Variants in TPP2 observed in about 807,000 individuals in gnomAD.
The protein encoded by TPP2 is tripeptidyl-peptidase 2.
In TPP2, 34 loss-of-function variants were observed where a neutral mutation model predicts 155.9. The ratio of observed to expected loss-of-function variants is 0.22; its 90% CI spans 0.17 to 0.29. The LOEUF (loss-of-function observed/expected upper bound fraction) is 0.29, where lower values mean the gene tolerates loss of function less well. Ranked by LOEUF, TPP2 falls within the 10% of genes least tolerant of loss-of-function variation. The pLI, the probability that TPP2 is intolerant of heterozygous loss-of-function variation, is 1.00. For missense variants in TPP2, 1,028 were observed against 1,522.3 expected (o/e 0.68, Z 5.40); for synonymous variants, 510 against 529.4 (o/e 0.96, Z 0.50).
chr13:102,609,839 G>C (rs1880142356), intron 2 of TPP2, among the ~76,000 whole-genome samples: 1 of 152,124 alleles, frequency 6.6e-6, no homozygotes, highest in Non-Finnish European at 1.5e-5. Flanking sequence ...ATGCGATTTG[G>C]GTAGAGACAG....
At chr13:102,630,568 C>T (rs965423775) in intron 10 of TPP2, among the ~76,000 whole-genome samples, 1 of 152,112 alleles carries the variant, frequency 6.6e-6, no homozygotes, top group Admixed American at 6.5e-5. Context: ...TTTTATAAAG[C>T]ATCACAGTCA....
intron 2 of TPP2, among the ~76,000 whole-genome samples, chr13:102,608,949 A>G (rs1015344529): frequency 3.3e-5 from 5 of 152,210 alleles, no homozygotes; most frequent in African/African-American, 1.2e-4. Flanking sequence ...GGGTTTCACT[A>G]TAGGGTAATG....
intron 28 of TPP2, 152 bp from the exon 29 acceptor site, chr13:102,676,144 T>C (rs584200): frequency 0.45 from 289,205 of 641,318 alleles, 67,518 homozygotes; most frequent in African/African-American, 0.59. Context: ...AAGACACCAA[T>C]TTTCTTTTTC....
chr13:102,670,020 T>C (rs949922175), intron 27 of TPP2, among the ~76,000 whole-genome samples: 2 of 152,166 alleles, frequency 1.3e-5, no homozygotes, highest in Non-Finnish European at 2.9e-5. Context: ...GAAAGGTCTC[T>C]AGGGCCAGTA....
intron 17 of TPP2, among the ~76,000 whole-genome samples, chr13:102,643,589 T>G (rs1882909531): frequency 6.6e-6 from 1 of 152,210 alleles, no homozygotes; most frequent in African/African-American, 2.4e-5. Context: ...AATTCTTGAA[T>G]AGCATAGTCA....
intron 23 of TPP2, 23 bp downstream of exon 23, chr13:102,649,509 C>T (rs1445883609): frequency 6.4e-7 from 1 of 1,562,286 alleles, no homozygotes; most frequent in African/African-American, 1.4e-5. Flanking sequence ...TTTTTAAACA[C>T]TGAAATTACC....
At chr13:102,614,345 TAA>T (rs914717930) in intron 3 of TPP2, 149 bp downstream of exon 3, 1 of 614,418 alleles carries the variant, frequency 1.6e-6, no homozygotes, top group Non-Finnish European at 2.8e-6. Flanking sequence ...AATGACTGCT[TAA>T]AGATTCTGCT....
At chr13:102,627,238 G>T in intron 7 of TPP2, 72 bp downstream of exon 7, 1 of 1,426,732 alleles carries the variant, frequency 7.0e-7, no homozygotes, top group Non-Finnish European at 9.2e-7. Flanking sequence ...GTTTATAAGT[G>T]CTCCTAGTTT....
chr13:102,663,968 A>T (rs935607787), intron 26 of TPP2, among the ~76,000 whole-genome samples: 1 of 152,244 alleles, frequency 6.6e-6, no homozygotes, highest in South Asian at 2.1e-4. Context: ...TGAGATTAGT[A>T]ATAGAGAAGA....
rs554569921 is a variant in TPP2 at position 102,599,248 on chromosome 13, G to T, written c.165+2045G>T. Reference sequence around the variant, plus strand: ...GAGGGTAAATATATGTTAGATATTTGCATGTAATAAATATTCAGATGATAA... The same window carrying T: ...GAGGGTAAATATATGTTAGATATTTTCATGTAATAAATATTCAGATGATAA... On this transcript the variant is annotated intron_variant, in intron 1 of 29. Coordinates refer to ENST00000376052, the MANE Select transcript of TPP2 (RefSeq NM_001330588.2). Among the ~76,000 whole-genome samples, 3 of 152,228 alleles carry T rather than the reference G, an allele frequency of 2.0e-5. No individual in the cohort carries two copies. In the South Asian group the frequency reaches 6.2e-4, roughly 32 times the overall value.
At chr13:102,645,863 G>T (rs770419462) in intron 19 of TPP2, among the ~76,000 whole-genome samples, 1 of 152,234 alleles carries the variant, frequency 6.6e-6, no homozygotes, top group Non-Finnish European at 1.5e-5. Context: ...GGAGGGCTGA[G>T]TGTGGCCCCT....
At chr13:102,632,171 A>T (rs945317492) in intron 10 of TPP2, among the ~76,000 whole-genome samples, 1 of 152,186 alleles carries the variant, frequency 6.6e-6, no homozygotes, top group Non-Finnish European at 1.5e-5. Flanking sequence ...ATTTTATTAT[A>T]TATTGTAATT....
chr13:102,640,801 G>A (rs1595177061), intron 16 of TPP2, among the ~76,000 whole-genome samples: 2 of 151,816 alleles, frequency 1.3e-5, no homozygotes, highest in East Asian at 3.9e-4. Flanking sequence ...GCAGGCGTGT[G>A]CTACCACGCC....
At chr13:102,653,775 T>C (rs1883668374) in intron 24 of TPP2, among the ~76,000 whole-genome samples, 1 of 152,218 alleles carries the variant, frequency 6.6e-6, no homozygotes, top group Non-Finnish European at 1.5e-5. Flanking sequence ...GTGAAGCTTT[T>C]AAATTTTTGA....
intron 5 of TPP2, among the ~76,000 whole-genome samples, chr13:102,621,331 A>G (rs988441062): frequency 1.1e-4 from 16 of 152,198 alleles, no homozygotes; most frequent in Admixed American, 7.2e-4. Context: ...GGTTGACACC[A>G]TAGAAGCTAC....
rs189495576 is a variant in TPP2 at position 102,612,755 on chromosome 13, A to G, written c.295-1346A>G. Among the ~76,000 whole-genome samples the G allele has an allele frequency of 1.1e-4, 16 of 152,348 alleles. No individual in the cohort carries two copies. The East Asian group carries it at 3.1e-3, about 29-fold the overall frequency. Reference sequence around the variant, plus strand: ...GACCGTGCAGACTTTGATCTCATTTATAATTAAATTATGTCTATTGGATTG... The same window carrying G: ...GACCGTGCAGACTTTGATCTCATTTGTAATTAAATTATGTCTATTGGATTG... On this transcript the variant is annotated intron_variant, in intron 2 of 29. Transcript: ENST00000376052.
intron 22 of TPP2, 55 bp from the exon 23 acceptor site, chr13:102,649,353 C>G: frequency 6.4e-7 from 1 of 1,556,420 alleles, no homozygotes; most frequent in Admixed American, 1.9e-5. Flanking sequence ...CCTTACTTGT[C>G]TTTGTGAAAC....
intron 5 of TPP2, among the ~76,000 whole-genome samples, chr13:102,620,700 G>A (rs753770268): frequency 3.9e-5 from 6 of 152,114 alleles, no homozygotes; most frequent in Non-Finnish European, 7.4e-5. Flanking sequence ...TGCACTTAAC[G>A]GGTGGCCTCA....
rs1042099776 is a variant in TPP2, at chr13:102,596,989, C to T, written c.-50C>T. On this transcript the variant is annotated 5_prime_UTR_variant, in exon 1 of 30. Transcript: ENST00000376052. ...GCACGGGTGTCCTCGCGCTGCTAGT[C>T]CGCGCGCAGCCTGGCAGTTTGCCGC... The T allele has an allele frequency of 3.1e-6, 5 of 1,595,330 alleles. No homozygotes were observed. The highest frequency in any genetic ancestry group is 3.4e-5 in the Admixed American group (2 of 59,084).
Sources: allele counts gnomAD v4.1 joint callset (sites outside exome capture counted in the v4.1 genomes callset), GRCh38; gene constraint gnomAD v4.1.1; transcripts MANE v1.5; gene names NCBI Gene and HGNC (gene_info 2026-07-23, HGNC 2026-07-21).